Variants in XKR6 observed in about 807,000 individuals in gnomAD.
XKR6 encodes XK-related protein 6.
Under a neutral mutation model 56.7 loss-of-function variants are expected in XKR6, and 22 were observed. That is an observed-to-expected ratio of 0.39 (90% CI 0.28 to 0.55). The LOEUF is 0.55. XKR6 is among the 20% of genes least tolerant of loss of function. XKR6 has a pLI of 0.66. For missense variants in XKR6, 852 were observed against 889.0 expected, an observed-to-expected ratio of 0.96 and a Z score of 0.53; for synonymous variants, 524 against 387.8, an observed-to-expected ratio of 1.35 and a Z score of -4.13.
intron 1 of XKR6, among the ~76,000 whole-genome samples, chr8:10,966,529 C>A (rs1802229066): frequency 6.6e-6 from 1 of 152,036 alleles, no homozygotes; most frequent in Non-Finnish European, 1.5e-5. Flanking sequence ...AAAAAATTAG[C>A]CTGGCGTGGT....
chr8:11,003,900 C>G (rs7350072), intron 1 of XKR6, among the ~76,000 whole-genome samples: 38,111 of 152,076 alleles, frequency 0.25, 5,278 homozygotes, highest in African/African-American at 0.35. Context: ...GTCCAGAGGG[C>G]TTTCAAGTTC....
At chr8:10,942,686 G>T (rs1314010649) in intron 1 of XKR6, among the ~76,000 whole-genome samples, 1 of 152,164 alleles carries the variant, frequency 6.6e-6, no homozygotes. Context: ...CCATTATTGA[G>T]AACAGGGCTA....
chr8:10,924,780 T>C lies in XKR6; in HGVS notation c.815A>G (p.His272Arg). 2 of 1,614,050 alleles carry C rather than the reference T, an allele frequency of 1.2e-6. No homozygotes were observed. The highest frequency in any genetic ancestry group is 8.5e-7 in the Non-Finnish European group (1 of 1,179,986). ...LGIQSQRRKE[H>R]QRRFYWAMMY... ...CATAGCCCAGTAGAAGCGTCGCTGGTGTTCCTTCCGCCGCTGGCTCTGAAT... is the reference window on the plus strand; with the variant it reads ...CATAGCCCAGTAGAAGCGTCGCTGGCGTTCCTTCCGCCGCTGGCTCTGAAT... The change falls in exon 2 of 3, where the codon CAC (histidine) becomes CGC (arginine). Residue 272 changes from histidine to arginine, a missense_variant. By Grantham distance (29) the His-to-Arg change is conservative (BLOSUM62 0). Coordinates refer to ENST00000416569, the MANE Select transcript of XKR6 (RefSeq NM_173683.4).
At chr8:10,912,719 A>G (rs931741839) in intron 2 of XKR6, among the ~76,000 whole-genome samples, 7 of 145,760 alleles carry the variant, frequency 4.8e-5, no homozygotes, top group African/African-American at 1.8e-4. Flanking sequence ...ACACATAGAG[A>G]GAATGAGTGT....
chr8:11,039,593 G>A (rs1191737212), intron 1 of XKR6, among the ~76,000 whole-genome samples: 5 of 152,324 alleles, frequency 3.3e-5, no homozygotes, highest in Non-Finnish European at 5.9e-5. Context: ...TGGCCCCAAC[G>A]TCCAGGGTGG....
At chr8:11,188,253 C>T (rs556922047) in intron 1 of XKR6, among the ~76,000 whole-genome samples, 1 of 152,290 alleles carries the variant, frequency 6.6e-6, no homozygotes, top group South Asian at 2.1e-4. Context: ...TAAAGGCCTG[C>T]TTGGGTACAC....
intron 1 of XKR6, among the ~76,000 whole-genome samples, chr8:11,016,790 C>G (rs10105947): frequency 1.3e-5 from 2 of 152,238 alleles, no homozygotes; most frequent in South Asian, 2.1e-4. Context: ...CTTGCTCCCC[C>G]ACCACTCTTC....
chr8:11,126,772 T>G (rs1799819765), intron 1 of XKR6, among the ~76,000 whole-genome samples: 1 of 152,038 alleles, frequency 6.6e-6, no homozygotes, highest in African/African-American at 2.4e-5. Flanking sequence ...CAATGTTAAG[T>G]GAAAATTATA....
At chr8:10,988,143 G>A (rs1475685145) in intron 1 of XKR6, among the ~76,000 whole-genome samples, 1 of 151,534 alleles carries the variant, frequency 6.6e-6, no homozygotes, top group Non-Finnish European at 1.5e-5. Flanking sequence ...CCCATCCCCT[G>A]CTTTGTTTTT....
chr8:10,922,169 C>T (rs1032761518), intron 2 of XKR6, among the ~76,000 whole-genome samples: 2 of 152,248 alleles, frequency 1.3e-5, no homozygotes, highest in African/African-American at 4.8e-5. Context: ...ATAAATTATT[C>T]ACTCTCAGGC....
In XKR6 at chr8:11,201,291, G is replaced by A; in HGVS notation, c.49C>T (p.Leu17=). Residue 17 remains leucine (L), a synonymous_variant, in exon 1 of 3, where the codon CTG becomes TTG. Transcript: ENST00000416569. ...CCCACCGCCTCGTCCAGGTTGTGCA[G>A]CTGAGCGAAGCCCACCCCCACGCCA... ...GGGVGVGFAQ[L]HNLDEAVGSG... 1.3e-6 allele frequency: 2 copies of A among 1,583,304 alleles called. No individual in the cohort carries two copies. Among genetic ancestry groups the A allele is most frequent in the Non-Finnish European group, 1.7e-6 (2 of 1,174,390 alleles).
intron 1 of XKR6, among the ~76,000 whole-genome samples, chr8:11,031,849 T>C (rs541100010): frequency 6.6e-6 from 1 of 152,314 alleles, no homozygotes; most frequent in East Asian, 1.9e-4. Flanking sequence ...TGATGCAGAA[T>C]CCATGTGTGA....
chr8:11,040,557 C>G (rs113412846), intron 1 of XKR6, among the ~76,000 whole-genome samples: 42 of 152,138 alleles, frequency 2.8e-4, no homozygotes, highest in African/African-American at 8.9e-4. Context: ...CTACCACAGC[C>G]TGGGAGGCTT....
intron 1 of XKR6, among the ~76,000 whole-genome samples, chr8:11,135,676 A>T (rs762603588): frequency 6.6e-6 from 1 of 152,142 alleles, no homozygotes; most frequent in African/African-American, 2.4e-5. Flanking sequence ...AAATGTCTGA[A>T]AACATGTACA....
At position 10,971,218 on chromosome 8, in the gene XKR6, A is replaced by G. The variant is rs374654154; in HGVS notation, c.765-46388T>C. 3.6e-4 allele frequency among the ~76,000 whole-genome samples: 55 copies of G among 151,886 alleles called. 1 individual carries two copies. Among genetic ancestry groups the G allele is most frequent in the African/African-American group, 1.1e-3 (44 of 41,336 alleles). On this transcript the variant is annotated intron_variant, in intron 1 of 2. Transcript: ENST00000416569. ...GGGCGGATCACGAGGTCAGGAGATC[A>G]AGATCATCCTGGCTAACACGGCGAA...
chr8:11,153,543 A>AT (rs111590770), intron 1 of XKR6, among the ~76,000 whole-genome samples: 3,042 of 152,294 alleles, frequency 0.02, 117 homozygotes, highest in African/African-American at 0.07. Context: ...TGACATGGGG[A>AT]TTATAAGCCA....
At chr8:11,142,895 G>C (rs552451847) in intron 1 of XKR6, among the ~76,000 whole-genome samples, 10 of 152,270 alleles carry the variant, frequency 6.6e-5, no homozygotes, top group African/African-American at 2.4e-4. Flanking sequence ...AAAGCTCTGA[G>C]ATCACAACGA....
chr8:10,997,071 C>T (rs777982173), intron 1 of XKR6, among the ~76,000 whole-genome samples: 5 of 152,218 alleles, frequency 3.3e-5, no homozygotes, highest in East Asian at 3.8e-4. Context: ...CCTTTCTCAT[C>T]GTCTGCACCT....
intron 1 of XKR6, among the ~76,000 whole-genome samples, chr8:11,060,499 A>G (rs1799803528): frequency 6.6e-6 from 1 of 151,980 alleles, no homozygotes; most frequent in Non-Finnish European, 1.5e-5. Context: ...GTTGTGGGAG[A>G]CCCTGACCTG....
Sources: allele counts gnomAD v4.1 joint callset (sites outside exome capture counted in the v4.1 genomes callset), GRCh38; gene constraint gnomAD v4.1.1; transcripts MANE v1.5; gene names NCBI Gene and HGNC (gene_info 2026-07-23, HGNC 2026-07-21).